The following MIER1 variants were observed in gnomAD, a reference collection of about 807,000 sequenced individuals.
MIER1 encodes MIER1 transcriptional regulator, also known as mesoderm induction early response protein 1.
In MIER1, 40 loss-of-function variants were observed where a neutral mutation model predicts 75.7. The ratio of observed to expected loss-of-function variants is 0.53; its 90% CI spans 0.41 to 0.69. The LOEUF (loss-of-function observed/expected upper bound fraction) is 0.69. Ranked by LOEUF, MIER1 falls within the 30% of genes least tolerant of loss-of-function variation. The pLI, the probability that MIER1 is intolerant of heterozygous loss-of-function variation, is 0.00. For synonymous variants in MIER1, 213 were observed against 223.4 expected, an observed-to-expected ratio of 0.95 and a Z score of 0.42; for missense variants, 574 against 680.2, an observed-to-expected ratio of 0.84 and a Z score of 1.74.
intron 4 of MIER1, chr1:66,946,497 A>C (rs965460688): frequency 1.3e-5 from 17 of 1,276,284 alleles, no homozygotes; most frequent in Middle Eastern, 6.0e-4. Context: ...GCAATAACAG[A>C]ATTCACATAG....
intron 4 of MIER1, among the ~76,000 whole-genome samples, chr1:66,952,601 C>T (rs1270355683): frequency 1.3e-5 from 2 of 152,066 alleles, no homozygotes; most frequent in Non-Finnish European, 2.9e-5. Flanking sequence ...ACTCAAGTGC[C>T]ACCAGAATTT....
rs776400271 is a variant in MIER1 at position 66,925,121 on chromosome 1, T to G, written c.67+26T>G. On this transcript the variant is annotated intron_variant, in intron 1 of 13. Transcript: ENST00000401041. ...GTAAGTGCAGCCTCCACAAGCCATC[T>G]CTCCCCTTCTATTCCAGTTTGGGAT... The G allele has an allele frequency of 3.2e-6, 5 of 1,542,848 alleles. No individual in the cohort carries two copies. The South Asian group carries it at 6.0e-5, about 18-fold the overall frequency.
intron 11 of MIER1, among the ~76,000 whole-genome samples, chr1:66,974,891 C>T (rs1013674976): frequency 3.9e-5 from 6 of 152,112 alleles, no homozygotes; most frequent in Non-Finnish European, 7.4e-5. Context: ...ATAATCTTAA[C>T]TTTGCATGCC....
intron 2 of MIER1, chr1:66,929,091 G>A: frequency 1.5e-6 from 1 of 683,728 alleles, no homozygotes; most frequent in Non-Finnish European, 2.5e-6. Context: ...ATGCTTGATA[G>A]AGTCTAGAAT....
chr1:66,930,409 G>C (rs973839874), intron 2 of MIER1: 1 of 1,606,962 alleles, frequency 6.2e-7, no homozygotes, highest in Admixed American at 1.7e-5. Flanking sequence ...AGGTAAGGGA[G>C]CGAGCTCCCC....
At position 66,926,098 on chromosome 1, in the gene MIER1, G is replaced by A. The variant is rs200891260; in HGVS notation, c.68-44G>A. 210 of 1,481,912 alleles carry A rather than the reference G, an allele frequency of 1.4e-4. No individual in the cohort carries two copies. In the Admixed American group the frequency reaches 3.5e-3, roughly 24 times the overall value. The allele number at this position is 1,481,912 out of a possible 1,614,324, so 91.8% of individuals were successfully genotyped here. Reference sequence around the variant, plus strand: ...GGGTGGATGGTGAGCTTGTATCATCGTTTCTGTCTCCTTGCTACTGAGGCT... The same window carrying A: ...GGGTGGATGGTGAGCTTGTATCATCATTTCTGTCTCCTTGCTACTGAGGCT... On this transcript the variant is annotated intron_variant, in intron 1 of 13. Coordinates refer to ENST00000401041, the MANE Select transcript of MIER1 (RefSeq NM_001077700.3).
intron 2 of MIER1, 99 bp downstream of exon 2, chr1:66,926,341 G>C: frequency 1.1e-6 from 1 of 898,210 alleles, no homozygotes; most frequent in South Asian, 1.7e-5. Context: ...CAGTGTTTGA[G>C]AACTGATGGG....
At chr1:66,948,893 T>A (rs1027457623) in intron 4 of MIER1, among the ~76,000 whole-genome samples, 13 of 152,260 alleles carry the variant, frequency 8.5e-5, no homozygotes, top group African/African-American at 3.1e-4. Flanking sequence ...AATAAAAATG[T>A]TACTACTATT....
intron 8 of MIER1, among the ~76,000 whole-genome samples, chr1:66,964,495 C>T (rs564783774): frequency 3.3e-4 from 48 of 146,828 alleles, no homozygotes; most frequent in African/African-American, 1.2e-3. Flanking sequence ...TCTTGTTGCC[C>T]AGGCTGGAGT....
intron 4 of MIER1, chr1:66,946,717 A>G (rs1260383819): frequency 1.0e-6 from 1 of 986,094 alleles, no homozygotes; most frequent in Non-Finnish European, 1.2e-6. Flanking sequence ...CACTACATAA[A>G]GTGCTCTAGA....
Position 66,987,238 on chromosome 1 carries a change from C to CT in MIER1, c.*2339dup, listed in dbSNP as rs1001275260. On this transcript the variant is annotated 3_prime_UTR_variant, in exon 14 of 14. Coordinates refer to ENST00000401041, the MANE Select transcript of MIER1 (RefSeq NM_001077700.3). ...CAATAATTTGTTCTTAATGCAGCCA[C>CT]TATAACTTGATAAGTCATTGCACTA... The CT allele has an allele frequency of 6.5e-6, 1 of 152,720 alleles. No individual in the cohort carries two copies. The highest frequency in any genetic ancestry group is 2.4e-5 in the African/African-American group (1 of 41,456). The allele number at this position is 152,720 out of a possible 1,614,324, so 9.5% of individuals were successfully genotyped here.
At chr1:66,938,579 A>T (rs1019155295) in intron 2 of MIER1, among the ~76,000 whole-genome samples, 2 of 152,236 alleles carry the variant, frequency 1.3e-5, no homozygotes, top group African/African-American at 4.8e-5. Context: ...AGAAATGTGT[A>T]GCTCTGCCCA....
In MIER1 at chr1:66,985,790, A is replaced by ACC; in HGVS notation, c.*890_*891insCC. On this transcript the variant is annotated 3_prime_UTR_variant, in exon 14 of 14. Coordinates refer to ENST00000401041, the MANE Select transcript of MIER1 (RefSeq NM_001077700.3). ...AGTCATATTTCTTATCCAGGTGGTT[A>ACC]AAGCATTCATAAAGGATTATAAAAT... 2.2e-6 allele frequency: 2 copies of ACC among 902,710 alleles called. No homozygotes were observed. Among genetic ancestry groups the ACC allele is most frequent in the Non-Finnish European group, 2.6e-6 (2 of 756,078 alleles). The allele number at this position is 902,710 out of a possible 1,614,324, so 55.9% of individuals were successfully genotyped here.
At position 66,987,994 on chromosome 1, in the gene MIER1, A is replaced by G. The variant is rs1666998685; in HGVS notation, c.*3094A>G. On this transcript the variant is annotated 3_prime_UTR_variant, in exon 14 of 14. Coordinates refer to ENST00000401041, the MANE Select transcript of MIER1 (RefSeq NM_001077700.3). ...TATTTTGTAGTGGAGTTCATATCAC[A>G]TTATGTTTTGCAAAATAAAACTTGT... 6.6e-6 allele frequency: 1 copy of G among 152,330 alleles called. No homozygotes were observed. The highest frequency in any genetic ancestry group is 6.5e-5 in the Admixed American group (1 of 15,276). 9.4% of individuals were successfully genotyped at this position (152,330 alleles called of 1,614,324 possible). A position where few individuals can be genotyped will look rare whatever the true frequency, so the allele number is the denominator to read the frequency against.
chr1:66,936,112 CAT>C (rs1170660582), intron 2 of MIER1, among the ~76,000 whole-genome samples: 4 of 152,096 alleles, frequency 2.6e-5, no homozygotes, highest in African/African-American at 9.7e-5. Flanking sequence ...GTTATGAGTA[CAT>C]GTTAAATATA....
intron 12 of MIER1, among the ~76,000 whole-genome samples, chr1:66,980,952 A>G (rs1003590652): frequency 2.0e-5 from 3 of 152,174 alleles, no homozygotes; most frequent in South Asian, 2.1e-4. Flanking sequence ...CTGGGTTCCA[A>G]TAATACTTTA....
chr1:66,930,609 T>G (rs1231315317), intron 2 of MIER1, among the ~76,000 whole-genome samples: 1 of 151,788 alleles, frequency 6.6e-6, no homozygotes, highest in Non-Finnish European at 1.5e-5. Context: ...GGAGGCGTAC[T>G]TGGACTTCGG....
At chr1:66,926,317 C>T (rs1224320865) in intron 2 of MIER1, 75 bp downstream of exon 2, 3 of 1,156,050 alleles carry the variant, frequency 2.6e-6, no homozygotes, top group East Asian at 4.7e-5. Flanking sequence ...TTATATTACT[C>T]TTCTTATATG....
intron 12 of MIER1, among the ~76,000 whole-genome samples, chr1:66,979,734 G>T (rs1665509633): frequency 6.7e-6 from 1 of 149,510 alleles, no homozygotes; most frequent in Admixed American, 6.7e-5. Context: ...AAATAATTTT[G>T]ATATCAACTC....
Sources: gnomAD v4.1 joint callset for allele counts (sites outside exome capture counted in the v4.1 genomes callset) on GRCh38, gnomAD v4.1.1 for gene constraint, MANE v1.5 for transcripts, NCBI Gene and HGNC (gene_info 2026-07-23, HGNC 2026-07-21) for gene names.